Variants in SORCS3 observed in about 807,000 individuals in gnomAD.
SORCS3 encodes the protein sortilin related VPS10 domain containing receptor 3, also known as VPS10 domain-containing receptor SorCS3.
A neutral mutation model predicts 146.3 loss-of-function variants in SORCS3; 57 were observed. The observed-to-expected ratio is 0.39, with a 90% CI of 0.31 to 0.49. The LOEUF (loss-of-function observed/expected upper bound fraction) is 0.49. Ranked by LOEUF, SORCS3 falls within the 20% of genes least tolerant of loss-of-function variation. The probability of loss-of-function intolerance (pLI) is 0.92; values close to 1 mark genes in which losing one functional copy is unlikely to be tolerated. For missense variants in SORCS3, 1,341 were observed against 1,575.5 expected (o/e 0.85, Z 2.52); for synonymous variants, 653 against 618.5 (o/e 1.06, Z -0.83).
intron 4 of SORCS3, among the ~76,000 whole-genome samples, chr10:105,035,648 A>G (rs1163096166): frequency 1.3e-5 from 2 of 151,972 alleles, no homozygotes; most frequent in Admixed American, 6.6e-5. Context: ...TTGTATTTTT[A>G]GTAGAGACGG....
At chr10:104,730,590 G>A (rs2016694664) in intron 1 of SORCS3, among the ~76,000 whole-genome samples, 1 of 152,162 alleles carries the variant, frequency 6.6e-6, no homozygotes, top group Admixed American at 6.5e-5. Context: ...GGGCATTTTT[G>A]TGAACAACTG....
intron 7 of SORCS3, among the ~76,000 whole-genome samples, chr10:105,128,729 A>C (rs922196309): frequency 6.6e-6 from 1 of 152,096 alleles, no homozygotes; most frequent in Admixed American, 6.6e-5. Flanking sequence ...AATCATTAGG[A>C]TGGGAATTTA....
At chr10:105,045,037 A>AGAAAGAAAGAAAG (rs1554871950) in intron 5 of SORCS3, among the ~76,000 whole-genome samples, 103 of 128,840 alleles carry the variant, frequency 8.0e-4, no homozygotes, top group Middle Eastern at 4.0e-3. Flanking sequence ...AAAAAAAAAA[A>AGAAAGAAAGAAAG]AAAAGAAAGA....
At chr10:104,957,027 C>T (rs2019500687) in intron 3 of SORCS3, among the ~76,000 whole-genome samples, 1 of 152,106 alleles carries the variant, frequency 6.6e-6, no homozygotes, top group Non-Finnish European at 1.5e-5. Flanking sequence ...ATCTCTTGTC[C>T]ACCTTCTCTG....
At chr10:105,163,825 C>T (rs1384713524) in intron 11 of SORCS3, among the ~76,000 whole-genome samples, 1 of 151,678 alleles carries the variant, frequency 6.6e-6, no homozygotes, top group Non-Finnish European at 1.5e-5. Context: ...AACTGCCTGG[C>T]ACTCAAAGGA....
At chr10:105,179,981 A>C (rs1589675601) in intron 14 of SORCS3, among the ~76,000 whole-genome samples, 3 of 152,326 alleles carry the variant, frequency 2.0e-5, no homozygotes, top group Non-Finnish European at 4.4e-5. Context: ...CTGTGTGGTC[A>C]GGGAGAAAAA....
At chr10:104,642,030 G>C (rs576734932) in intron 1 of SORCS3, 76 bp downstream of exon 1, 1 of 1,389,030 alleles carries the variant, frequency 7.2e-7, no homozygotes, top group Admixed American at 2.6e-5. Flanking sequence ...GGGAGCGAGG[G>C]ACAGATAGTT....
intron 1 of SORCS3, among the ~76,000 whole-genome samples, chr10:104,803,921 A>G (rs1002114223): frequency 6.6e-6 from 1 of 152,008 alleles, no homozygotes; most frequent in African/African-American, 2.4e-5. Context: ...CTCCCTACTA[A>G]AGGCTGTTTC....
At chr10:105,220,851 A>G (rs960865635) in intron 19 of SORCS3, among the ~76,000 whole-genome samples, 2 of 150,262 alleles carry the variant, frequency 1.3e-5, no homozygotes, top group African/African-American at 4.9e-5. Context: ...TCCCACATCT[A>G]GTGCCTTTTT....
chr10:105,056,016 A>G (rs1439999944), intron 5 of SORCS3, among the ~76,000 whole-genome samples: 14 of 152,212 alleles, frequency 9.2e-5, no homozygotes, highest in Admixed American at 7.2e-4. Context: ...TGAAGGAAGT[A>G]TTAGGACTGC....
intron 14 of SORCS3, among the ~76,000 whole-genome samples, chr10:105,187,387 C>G (rs1376008786): frequency 1.3e-5 from 2 of 152,168 alleles, no homozygotes. Flanking sequence ...CAGTGCAATT[C>G]GCCCTGTAGC....
chr10:104,828,131 G>A (rs2017959047), intron 1 of SORCS3, among the ~76,000 whole-genome samples: 1 of 152,074 alleles, frequency 6.6e-6, no homozygotes, highest in Admixed American at 6.6e-5. Context: ...TTCCTTCAAG[G>A]ACTTTTCCTT....
chr10:104,887,727 C>G (rs7915656), intron 2 of SORCS3, among the ~76,000 whole-genome samples: 55,807 of 151,930 alleles, frequency 0.37, 13,341 homozygotes, highest in African/African-American at 0.68. Context: ...TTTTCAGCTA[C>G]TACCACTTCT....
intron 1 of SORCS3, among the ~76,000 whole-genome samples, chr10:104,691,867 A>C (rs2133422626): frequency 6.6e-6 from 1 of 152,222 alleles, no homozygotes; most frequent in South Asian, 2.1e-4. Context: ...CAGCCTCCTA[A>C]GTAGCTAGGA....
chr10:104,655,660 T>C (rs2015619616), intron 1 of SORCS3, among the ~76,000 whole-genome samples: 1 of 152,156 alleles, frequency 6.6e-6, no homozygotes, highest in Non-Finnish European at 1.5e-5. Flanking sequence ...GGTGATTGGA[T>C]CATGGAGACA....
intron 4 of SORCS3, among the ~76,000 whole-genome samples, chr10:105,012,388 T>C (rs1247562998): frequency 6.6e-6 from 1 of 152,136 alleles, no homozygotes; most frequent in African/African-American, 2.4e-5. Flanking sequence ...TCTTTTGACA[T>C]TGGATGGTTT....
At chr10:105,155,243 C>A (rs987342803) in intron 9 of SORCS3, among the ~76,000 whole-genome samples, 1 of 152,176 alleles carries the variant, frequency 6.6e-6, no homozygotes, top group Non-Finnish European at 1.5e-5. Context: ...TGGAAGATCA[C>A]AAGAGGTTGC....
intron 1 of SORCS3, among the ~76,000 whole-genome samples, chr10:104,705,606 C>T (rs2016328126): frequency 6.6e-6 from 1 of 152,150 alleles, no homozygotes; most frequent in African/African-American, 2.4e-5. Context: ...TGAGAATGGA[C>T]ACGGTTGGCT....
intron 1 of SORCS3, among the ~76,000 whole-genome samples, chr10:104,837,791 A>G (rs562166051): frequency 1.3e-5 from 2 of 152,248 alleles, no homozygotes; most frequent in South Asian, 4.1e-4. Context: ...TGAATGATAA[A>G]CTCCTTGAGG....
Sources: gnomAD v4.1 joint callset for allele counts (sites outside exome capture counted in the v4.1 genomes callset) on GRCh38, gnomAD v4.1.1 for gene constraint, MANE v1.5 for transcripts, NCBI Gene and HGNC (gene_info 2026-07-23, HGNC 2026-07-21) for gene names.